The following IRX2 variants were observed in gnomAD, a reference collection of about 807,000 sequenced individuals.
The protein encoded by IRX2 is iroquois-class homeodomain protein IRX-2.
Under a neutral mutation model 42.9 loss-of-function variants are expected in IRX2, and 26 were observed. The ratio of observed to expected loss-of-function variants is 0.61; its 90% CI spans 0.44 to 0.84. The LOEUF is 0.84. Ranked by LOEUF, IRX2 falls within the 40% of genes least tolerant of loss-of-function variation. The pLI is 0.00. For missense variants in IRX2, 782 were observed against 713.9 expected (o/e 1.10, Z -1.09); for synonymous variants, 424 against 353.9 (o/e 1.20, Z -2.22).
At position 2,749,488 on chromosome 5, in the gene IRX2, T is replaced by C. The variant is rs200207710; in HGVS notation, c.549A>G (p.Arg183=). ...KKENKMTWAP[R]NKSEDEDEDE... Reference sequence around the variant, plus strand: ...CCTCGTCCTCATCTTCGCTTTTGTTTCTCGGGGCCCAGGTCATCTTGTTCT... The same window carrying C: ...CCTCGTCCTCATCTTCGCTTTTGTTCCTCGGGGCCCAGGTCATCTTGTTCT... The change falls in exon 2 of 4, where the codon AGA becomes AGG. Residue 183 remains arginine (R), a synonymous_variant. Coordinates refer to ENST00000302057, the MANE Select transcript of IRX2 (RefSeq NM_033267.5). The C allele has an allele frequency of 1.2e-6, 2 of 1,614,196 alleles. No individual in the cohort carries two copies. The highest frequency in any genetic ancestry group is 8.5e-7 in the Non-Finnish European group (1 of 1,180,038).
At chr5:2,738,472 A>G in the IRX2 span, among the ~76,000 whole-genome samples, 1 of 152,150 alleles carries the variant, frequency 6.6e-6, no homozygotes, top group Non-Finnish European at 1.5e-5. Context: ...CATCCTGGGT[A>G]CCAAGGAGCC....
At chr5:2,738,712 C>T in the IRX2 span, among the ~76,000 whole-genome samples, 4 of 152,280 alleles carry the variant, frequency 2.6e-5, no homozygotes, top group African/African-American at 9.6e-5. Context: ...CCTCACCACC[C>T]CCAGCCGCAC....
At chr5:2,741,513 T>C (rs565920793), downstream of IRX2, among the ~76,000 whole-genome samples, 107 of 152,326 alleles carry the variant, frequency 7.0e-4, no homozygotes, top group African/African-American at 2.5e-3. Flanking sequence ...GTCTTGACTC[T>C]TATGAGCTCT....
rs2111444769 is a variant in IRX2 at position 2,748,330 on chromosome 5, C to T, written c.1363+15G>A. The T allele has an allele frequency of 1.4e-6, 2 of 1,389,448 alleles. No homozygotes were observed. The highest frequency in any genetic ancestry group is 1.8e-6 in the Non-Finnish European group (2 of 1,083,002). 86.1% of individuals were successfully genotyped at this position (1,389,448 alleles called of 1,614,324 possible). A position where few individuals can be genotyped will look rare whatever the true frequency, so the allele number is the denominator to read the frequency against. On this transcript the variant is annotated intron_variant, in intron 3 of 3. Transcript: ENST00000302057. ...TCCCTCCCCTCCCGGGCGCCGCCGG[C>T]CGCGGGCCGCCTACCTTTCTTGGGC...
downstream of IRX2, among the ~76,000 whole-genome samples, chr5:2,741,642 T>C (rs1331537323): frequency 1.3e-5 from 2 of 152,218 alleles, no homozygotes; most frequent in African/African-American, 2.4e-5. Flanking sequence ...CGATTAATAA[T>C]TGATCAGGAG....
chr5:2,751,214 T>C lies in IRX2; in HGVS notation c.200A>G (p.Gln67Arg). The change falls in exon 1 of 4, where the codon CAG becomes CGG. Residue 67 changes from glutamine (Q) to arginine (R), a missense_variant. Transcript: ENST00000302057. The surrounding 1 kb of genome is among the most constrained non-coding windows in gnomAD (Gnocchi z 4.0). ...QAATGFGSPL[Q>R]YSADAAAAAA... ...GGCGGCGGCGGCGTCGGCCGAGTAC[T>C]GCAGCGGGCTCCCGAAGCCGGTGGC... 4 of 1,348,010 alleles carry C rather than the reference T, an allele frequency of 3.0e-6. No homozygotes were observed. Among genetic ancestry groups the C allele is most frequent in the Non-Finnish European group, 3.8e-6 (4 of 1,051,658 alleles). The allele number at this position is 1,348,010 out of a possible 1,614,324, so 83.5% of individuals were successfully genotyped here.
rs1491393008 is a variant in IRX2, at chr5:2,747,135, T to TA, written c.*428dup. The TA allele has an allele frequency of 6.6e-6, 1 of 152,192 alleles. No homozygotes were observed. Among genetic ancestry groups the TA allele is most frequent in the East Asian group, 1.9e-4 (1 of 5,194 alleles). 9.4% of individuals were successfully genotyped at this position (152,192 alleles called of 1,614,324 possible). On this transcript the variant is annotated 3_prime_UTR_variant, in exon 4 of 4. Coordinates refer to ENST00000302057, the MANE Select transcript of IRX2 (RefSeq NM_033267.5). ...CAAGCTCATCAAAGCATGTGTCTAT[T>TA]ATGTGTCTAGCATAGTAAAAATGGC...
In IRX2 at chr5:2,746,745, C is replaced by CTA. The variant is rs1553992925; in HGVS notation, c.*818_*819insTA. On this transcript the variant is annotated 3_prime_UTR_variant, in exon 4 of 4. Transcript: ENST00000302057. ...TTGGGAAGAGAGAATGGCCTGCTGA[C>CTA]TTTTTTTTTTTTTTTTTTTTCAAAG... 3 of 110,406 alleles carry CTA rather than the reference C, an allele frequency of 2.7e-5. No homozygotes were observed. The highest frequency in any genetic ancestry group is 3.5e-5 in the Non-Finnish European group (2 of 57,058). The allele number at this position is 110,406 out of a possible 1,614,324, so 6.8% of individuals were successfully genotyped here. A position where few individuals can be genotyped will look rare whatever the true frequency, so the allele number is the denominator to read the frequency against.
At chr5:2,748,213 G>T in intron 3 of IRX2, 132 bp downstream of exon 3, 1 of 773,452 alleles carries the variant, frequency 1.3e-6, no homozygotes, top group Non-Finnish European at 1.8e-6. Flanking sequence ...CCCTCACTCT[G>T]CTAATTCTGG....
At chr5:2,737,597 G>A in the IRX2 span, 14 of 152,394 alleles carry the variant, frequency 9.2e-5, no homozygotes, top group East Asian at 1.7e-3. Context: ...CACAGGAGTC[G>A]ATGGTGAGCA....
At chr5:2,749,331 C>A in intron 2 of IRX2, 51 bp downstream of exon 2, 5 of 1,541,746 alleles carry the variant, frequency 3.2e-6, no homozygotes, top group Non-Finnish European at 4.3e-6. Context: ...CTCTGCGCCC[C>A]GCCTGGGAAG....
rs955395207 is a variant in IRX2 at position 2,749,481 on chromosome 5, T to C, written c.556A>G (p.Ser186Gly). ...CCCTCGTCCTCGTCCTCATCTTCGC[T>C]TTTGTTTCTCGGGGCCCAGGTCATC... ...NKMTWAPRNKSEDEDEDEGDA... is the reference protein window; with the variant it reads ...NKMTWAPRNKGEDEDEDEGDA... Residue 186 changes from serine to glycine, a missense_variant, in exon 2 of 4, where the codon AGC (serine) becomes GGC (glycine). This residue lies in a region of IRX2 where 520 missense variants were observed against 437.8 expected (regional missense o/e 1.19). Transcript: ENST00000302057. The C allele has an allele frequency of 6.2e-7, 1 of 1,614,040 alleles. No homozygotes were observed. The highest frequency in any genetic ancestry group is 1.3e-5 in the African/African-American group (1 of 74,936).
At chr5:2,741,052 G>C (rs1737526423), downstream of IRX2, among the ~76,000 whole-genome samples, 1 of 152,244 alleles carries the variant, frequency 6.6e-6, no homozygotes, top group Non-Finnish European at 1.5e-5. Flanking sequence ...GGGTGCACGC[G>C]GGACCCGCAC....
the IRX2 span, among the ~76,000 whole-genome samples, chr5:2,740,188 C>G: frequency 0.6 from 88,965 of 147,820 alleles, 26,816 homozygotes; most frequent in Middle Eastern, 0.66. Flanking sequence ...CGTGCGGGGG[C>G]GGGGGTCCTG....
chr5:2,747,764 G>A lies in IRX2; in HGVS notation c.1364-148C>T, dbSNP rs1324231101. On this transcript the variant is annotated intron_variant, in intron 3 of 3. Coordinates refer to ENST00000302057, the MANE Select transcript of IRX2 (RefSeq NM_033267.5). ...GGGCCGCTATCTGAGACGACTTTTG[G>A]TGATGGTCCCTAGTTCTTAACTTCC... is the stretch of plus-strand genomic sequence containing the variant. 5.7e-6 allele frequency: 4 copies of A among 700,360 alleles called. No individual in the cohort carries two copies. In the Admixed American group the frequency reaches 9.3e-5, roughly 16 times the overall value. 43.4% of individuals were successfully genotyped at this position (700,360 alleles called of 1,614,324 possible). A position where few individuals can be genotyped will look rare whatever the true frequency, so the allele number is the denominator to read the frequency against.
rs1227728003 is a variant in IRX2, at chr5:2,746,951, T to C, written c.*613A>G. The stretch of plus-strand genomic sequence containing the variant: ...AAGCAACATATTTTTTGAGATACTG[T>C]TGTGAGCCCCGGGAGAATGTCAGAG... On this transcript the variant is annotated 3_prime_UTR_variant, in exon 4 of 4. Coordinates refer to ENST00000302057, the MANE Select transcript of IRX2 (RefSeq NM_033267.5). 6.6e-6 allele frequency: 1 copy of C among 152,378 alleles called. No individual in the cohort carries two copies. Among genetic ancestry groups the C allele is most frequent in the Non-Finnish European group, 1.5e-5 (1 of 68,036 alleles). 9.4% of individuals were successfully genotyped at this position (152,378 alleles called of 1,614,324 possible).
chr5:2,749,770 C>T lies in IRX2; in HGVS notation c.267G>A (p.Ala89=). Residue 89 remains alanine, a synonymous_variant, in exon 2 of 4, where the codon GCG becomes GCA. Coordinates refer to ENST00000302057, the MANE Select transcript of IRX2 (RefSeq NM_033267.5). ...TGGCGCCGGTCATGCCGGTGGTGTG[C>T]GCGTCGTAGGGTGCGCCCTGGAACC... is the stretch of plus-strand genomic sequence containing the variant. ...FPSYMGAPYD[A]HTTGMTGAIS... 4 of 1,608,074 alleles carry T rather than the reference C, an allele frequency of 2.5e-6. No homozygotes were observed. The highest frequency in any genetic ancestry group is 2.5e-6 in the Non-Finnish European group (3 of 1,177,144).
At chr5:2,740,929 C>T (rs1409870136), downstream of IRX2, among the ~76,000 whole-genome samples, 2 of 152,184 alleles carry the variant, frequency 1.3e-5, no homozygotes, top group Non-Finnish European at 2.9e-5. Context: ...GGCCGGCAGC[C>T]CCCCGACTCC....
Position 2,746,492 on chromosome 5 carries a change from G to A in IRX2, c.*1072C>T, listed in dbSNP as rs566169696. ...CCTATAGAATATATACCGTGGCAAT[G>A]AAGTGATCAATTCAAGATATCCTGA... is the stretch of plus-strand genomic sequence containing the variant. On this transcript the variant is annotated 3_prime_UTR_variant, in exon 4 of 4. Coordinates refer to ENST00000302057, the MANE Select transcript of IRX2 (RefSeq NM_033267.5). The A allele has an allele frequency of 6.6e-6, 1 of 152,350 alleles. No individual in the cohort carries two copies. Among genetic ancestry groups the A allele is most frequent in the South Asian group, 2.1e-4 (1 of 4,828 alleles). The allele number at this position is 152,350 out of a possible 1,614,324, so 9.4% of individuals were successfully genotyped here.
Sources: allele counts gnomAD v4.1 joint callset (sites outside exome capture counted in the v4.1 genomes callset), GRCh38; gene constraint gnomAD v4.1.1; regional missense constraint gnomAD v4.1.1; non-coding constraint Gnocchi (gnomAD v3.1); transcripts MANE v1.5; gene names NCBI Gene and HGNC (gene_info 2026-07-23, HGNC 2026-07-21).